The following DYNC1I1 variants were observed in gnomAD, a reference collection of about 807,000 sequenced individuals.
DYNC1I1 encodes the protein cytoplasmic dynein 1 intermediate chain 1.
In DYNC1I1, 43 loss-of-function variants were observed where a neutral mutation model predicts 86.6. That is an observed-to-expected ratio of 0.50 (90% CI 0.39 to 0.64). The LOEUF (loss-of-function observed/expected upper bound fraction) is 0.64. Among genes scored for constraint, DYNC1I1 ranks in the 30% least tolerant of loss-of-function variants. The probability of loss-of-function intolerance (pLI) is 0.00; values close to 1 mark genes in which losing one functional copy is unlikely to be tolerated. For missense variants in DYNC1I1, 604 were observed against 788.8 expected (o/e 0.77, Z 2.81); for synonymous variants, 262 against 283.7 (o/e 0.92, Z 0.77).
At position 95,809,464 on chromosome 7, in the gene DYNC1I1, T is replaced by C. The variant is rs540049483; in HGVS notation, c.109-928T>C. Among the ~76,000 whole-genome samples the C allele has an allele frequency of 1.2e-3, 180 of 152,278 alleles. 1 individual carries two copies. The highest frequency in any genetic ancestry group is 4.2e-3 in the African/African-American group (175 of 41,566). On this transcript the variant is annotated intron_variant, in intron 2 of 16. Coordinates refer to ENST00000447467, the MANE Select transcript of DYNC1I1 (RefSeq NM_001135556.2). The stretch of plus-strand genomic sequence containing the variant: ...CTTCTGTAAGCTTACAAAGCTTTGT[T>C]GTGAGGTAGTTACACATCAACGTGA...
At chr7:96,071,598 A>G (rs1790161790) in intron 14 of DYNC1I1, among the ~76,000 whole-genome samples, 2 of 151,370 alleles carry the variant, frequency 1.3e-5, no homozygotes, top group African/African-American at 4.9e-5. Context: ...ATTTTTTTCC[A>G]CTCTCCACTG....
intron 11 of DYNC1I1, among the ~76,000 whole-genome samples, chr7:96,030,821 T>C (rs1198266007): frequency 6.6e-6 from 1 of 152,138 alleles, no homozygotes; most frequent in African/African-American, 2.4e-5. Context: ...GATAATACAC[T>C]GCCTGGGGCT....
At chr7:95,819,697 C>G (rs1383063698) in intron 4 of DYNC1I1, among the ~76,000 whole-genome samples, 3 of 152,128 alleles carry the variant, frequency 2.0e-5, no homozygotes, top group Non-Finnish European at 2.9e-5. Context: ...GAGAGATTGA[C>G]AGGATGCTAC....
chr7:95,772,851 G>C (rs1793739645), intron 1 of DYNC1I1, 78 bp downstream of exon 1: 1 of 151,668 alleles, frequency 6.6e-6, no homozygotes, highest in Non-Finnish European at 1.5e-5. Flanking sequence ...CCCCGGTGTC[G>C]TCTGCGCTGG....
At chr7:95,929,688 C>G (rs1289932935) in intron 6 of DYNC1I1, among the ~76,000 whole-genome samples, 1 of 152,208 alleles carries the variant, frequency 6.6e-6, no homozygotes, top group Non-Finnish European at 1.5e-5. Flanking sequence ...TCAGTCTCTC[C>G]TCCCCCAAGG....
intron 5 of DYNC1I1, among the ~76,000 whole-genome samples, chr7:95,836,951 G>A (rs1317730503): frequency 1.3e-5 from 2 of 152,020 alleles, no homozygotes; most frequent in African/African-American, 4.8e-5. Context: ...ATCGTCTGAA[G>A]CCTTCTTCTC....
intron 1 of DYNC1I1, among the ~76,000 whole-genome samples, chr7:95,792,027 G>A (rs1197396793): frequency 6.6e-6 from 1 of 152,200 alleles, no homozygotes; most frequent in Admixed American, 6.5e-5. Flanking sequence ...GTGAAAATAT[G>A]CACAATATGG....
chr7:95,908,522 G>A (rs1226235561), intron 6 of DYNC1I1, among the ~76,000 whole-genome samples: 1 of 152,244 alleles, frequency 6.6e-6, no homozygotes, highest in East Asian at 1.9e-4. Context: ...TACACCAAAT[G>A]GCTAAATATT....
At chr7:96,026,334 G>A (rs1269140751) in intron 10 of DYNC1I1, among the ~76,000 whole-genome samples, 1 of 152,086 alleles carries the variant, frequency 6.6e-6, no homozygotes, top group African/African-American at 2.4e-5. Flanking sequence ...GCTGATAGGA[G>A]ATCTGGGTTT....
At chr7:96,075,660 C>G (rs569162335) in intron 14 of DYNC1I1, among the ~76,000 whole-genome samples, 2 of 152,254 alleles carry the variant, frequency 1.3e-5, no homozygotes, top group South Asian at 2.1e-4. Context: ...TCGGGACCGC[C>G]GGGGCTTCAG....
downstream of DYNC1I1, among the ~76,000 whole-genome samples, chr7:96,101,451 C>T (rs147378947): frequency 2.3e-3 from 353 of 152,246 alleles, 3 homozygotes; most frequent in African/African-American, 8.3e-3. Flanking sequence ...CCACTGCAAA[C>T]ATCTATTGTG....
intron 14 of DYNC1I1, among the ~76,000 whole-genome samples, chr7:96,042,774 A>G (rs1789086962): frequency 6.6e-6 from 1 of 152,180 alleles, no homozygotes; most frequent in African/African-American, 2.4e-5. Flanking sequence ...AAAGAATAAA[A>G]CATGTAGTCT....
At chr7:95,949,340 C>T (rs1792490740) in intron 6 of DYNC1I1, among the ~76,000 whole-genome samples, 1 of 152,204 alleles carries the variant, frequency 6.6e-6, no homozygotes, top group African/African-American at 2.4e-5. Flanking sequence ...GTGCACTCAT[C>T]CTTGGAGCAC....
rs149175294 is a variant in DYNC1I1 at position 95,779,011 on chromosome 7, C to A, written c.-10+6238C>A. Among the ~76,000 whole-genome samples, 733 of 152,184 alleles carry A rather than the reference C, an allele frequency of 4.8e-3. 5 individuals carry two copies. The highest frequency in any genetic ancestry group is 0.017 in the African/African-American group (706 of 41,508). On this transcript the variant is annotated intron_variant, in intron 1 of 16. Transcript: ENST00000447467. ...GTTCTTAGCCAGGAGCAATTGTCTT[C>A]TCCAGGGGACATTTGACAATGTCTG...
intron 6 of DYNC1I1, among the ~76,000 whole-genome samples, chr7:95,947,034 G>A (rs776207322): frequency 6.6e-6 from 1 of 152,164 alleles, no homozygotes; most frequent in Non-Finnish European, 1.5e-5. Context: ...AAACAGAAGT[G>A]ATGCAAAAGC....
At chr7:95,856,244 C>G (rs1412785080) in intron 5 of DYNC1I1, among the ~76,000 whole-genome samples, 1 of 152,112 alleles carries the variant, frequency 6.6e-6, no homozygotes, top group Non-Finnish European at 1.5e-5. Flanking sequence ...ATTAATATCA[C>G]TGTCTTTCAC....
At chr7:96,084,998 T>A (rs1002923968) in intron 16 of DYNC1I1, among the ~76,000 whole-genome samples, 7 of 152,200 alleles carry the variant, frequency 4.6e-5, no homozygotes, top group African/African-American at 1.7e-4. Flanking sequence ...GAGAGACTGC[T>A]GTGAGCACTG....
At chr7:95,919,220 T>C (rs2116370550) in intron 6 of DYNC1I1, among the ~76,000 whole-genome samples, 1 of 152,174 alleles carries the variant, frequency 6.6e-6, no homozygotes, top group South Asian at 2.1e-4. Context: ...GGTTACACTA[T>C]CCCCCTCACA....
chr7:96,108,630 G>A (rs577192390), intron 16 of DYNC1I1, among the ~76,000 whole-genome samples: 23 of 152,104 alleles, frequency 1.5e-4, no homozygotes, highest in East Asian at 3.9e-4. Context: ...TTAGGAGGCC[G>A]AGGCGGGTGG....
Sources: allele counts gnomAD v4.1 joint callset (sites outside exome capture counted in the v4.1 genomes callset), GRCh38; gene constraint gnomAD v4.1.1; transcripts MANE v1.5; gene names NCBI Gene and HGNC (gene_info 2026-07-23, HGNC 2026-07-21).